Variants in ME1 observed in about 807,000 individuals in gnomAD.
ME1 encodes NADP-dependent malic enzyme.
In ME1, 74 loss-of-function variants were observed where a neutral mutation model predicts 66.4. The observed-to-expected ratio is 1.11, with a 90% CI of 0.92 to 1.35. ME1 has a LOEUF of 1.35. Among genes scored for constraint, ME1 ranks in the 40% most tolerant of loss-of-function variants. The pLI is 0.00. For missense variants in ME1, 750 were observed against 694.1 expected (o/e 1.08, Z -0.90); for synonymous variants, 251 against 235.6 (o/e 1.07, Z -0.60).
At chr6:83,246,368 A>G (rs1790622351) in intron 7 of ME1, among the ~76,000 whole-genome samples, 1 of 152,112 alleles carries the variant, frequency 6.6e-6, no homozygotes, top group Non-Finnish European at 1.5e-5. Flanking sequence ...CTGTAATCCC[A>G]CTGTGTAGCT....
intron 1 of ME1, among the ~76,000 whole-genome samples, chr6:83,430,023 GAC>G (rs893243064): frequency 2.0e-5 from 3 of 152,110 alleles, no homozygotes; most frequent in African/African-American, 7.2e-5. Context: ...TTATTTGAGA[GAC>G]ATCCCGAGTG....
intron 9 of ME1, among the ~76,000 whole-genome samples, chr6:83,233,820 G>A (rs1269677688): frequency 6.6e-6 from 1 of 151,650 alleles, no homozygotes; most frequent in Non-Finnish European, 1.5e-5. Context: ...TTTGAAAATG[G>A]GATTACACTA....
Position 83,267,113 on chromosome 6 carries a change from CAT to C in ME1, c.705-13377_705-13376del, listed in dbSNP as rs558266640. The stretch of plus-strand genomic sequence containing the variant: ...TTTGGTAGTTTACTGAGTTTACTAA[CAT>C]AGGGATGTGTGGAAGCTCAATAATT... On this transcript the variant is annotated intron_variant, in intron 6 of 13. Coordinates refer to ENST00000369705, the MANE Select transcript of ME1 (RefSeq NM_002395.6). 1.3e-4 allele frequency among the ~76,000 whole-genome samples: 20 copies of C among 152,238 alleles called. No homozygotes were observed. In the East Asian group the frequency reaches 3.9e-3, roughly 29 times the overall value.
chr6:83,418,940 G>T (rs1323963893), intron 1 of ME1, among the ~76,000 whole-genome samples: 1 of 152,102 alleles, frequency 6.6e-6, no homozygotes, highest in Non-Finnish European at 1.5e-5. Context: ...TGAAAAGTTG[G>T]GGGTAGGTAG....
At chr6:83,244,848 A>T (rs1038003170) in intron 7 of ME1, among the ~76,000 whole-genome samples, 1 of 152,118 alleles carries the variant, frequency 6.6e-6, no homozygotes, top group Non-Finnish European at 1.5e-5. Flanking sequence ...TATAACACAC[A>T]TTGACAGAGA....
At chr6:83,411,209 C>T (rs940018897) in intron 1 of ME1, among the ~76,000 whole-genome samples, 2 of 152,044 alleles carry the variant, frequency 1.3e-5, no homozygotes, top group Non-Finnish European at 2.9e-5. Flanking sequence ...ACTAAAAATA[C>T]AAAAGTTAGC....
At chr6:83,314,652 A>T (rs1373416120) in intron 6 of ME1, among the ~76,000 whole-genome samples, 1 of 149,978 alleles carries the variant, frequency 6.7e-6, no homozygotes, top group Non-Finnish European at 1.5e-5. Context: ...TTGTGTAGAT[A>T]TGGGTACCAT....
chr6:83,326,828 G>A (rs562978648), intron 5 of ME1, among the ~76,000 whole-genome samples: 148 of 152,282 alleles, frequency 9.7e-4, no homozygotes, highest in African/African-American at 3.2e-3. Context: ...ACAGTGTGGC[G>A]ACTCCTCAAG....
At chr6:83,289,931 T>C (rs565278226) in intron 6 of ME1, among the ~76,000 whole-genome samples, 33 of 152,328 alleles carry the variant, frequency 2.2e-4, no homozygotes, top group Admixed American at 7.2e-4. Context: ...CAGGTGTTTA[T>C]AGTATTCTCT....
chr6:83,291,592 T>C (rs1423468145), intron 6 of ME1, among the ~76,000 whole-genome samples: 1 of 152,174 alleles, frequency 6.6e-6, no homozygotes, highest in East Asian at 1.9e-4. Flanking sequence ...CTGATAATTA[T>C]GTGTCTCGGG....
At chr6:83,413,620 CTTGTT>C (rs1429508202) in intron 1 of ME1, among the ~76,000 whole-genome samples, 2 of 151,772 alleles carry the variant, frequency 1.3e-5, no homozygotes, top group East Asian at 1.9e-4. Context: ...TAAAATTGAG[CTTGTT>C]TTAAGTGTCA....
chr6:83,379,331 A>G (rs1053923404), intron 3 of ME1, among the ~76,000 whole-genome samples: 2 of 152,096 alleles, frequency 1.3e-5, no homozygotes, highest in East Asian at 3.8e-4. Flanking sequence ...GAACTCCCCA[A>G]TATAAAATAG....
intron 5 of ME1, among the ~76,000 whole-genome samples, chr6:83,340,196 G>C (rs1259811519): frequency 6.6e-6 from 1 of 152,046 alleles, no homozygotes; most frequent in African/African-American, 2.4e-5. Context: ...TTCAGTAATA[G>C]ATAAACATAT....
At chr6:83,240,386 A>C (rs1790490114) in intron 7 of ME1, among the ~76,000 whole-genome samples, 1 of 152,048 alleles carries the variant, frequency 6.6e-6, no homozygotes, top group Admixed American at 6.6e-5. Flanking sequence ...TACTAGACAA[A>C]ACTAATGCAA....
At chr6:83,321,326 AG>A (rs1462944420) in intron 5 of ME1, among the ~76,000 whole-genome samples, 1 of 152,092 alleles carries the variant, frequency 6.6e-6, no homozygotes, top group Non-Finnish European at 1.5e-5. Flanking sequence ...ACCCCTGAAA[AG>A]GGGGCTGAAG....
intron 5 of ME1, among the ~76,000 whole-genome samples, chr6:83,330,097 G>T (rs536603151): frequency 4.7e-4 from 72 of 152,318 alleles, no homozygotes; most frequent in Non-Finnish European, 9.0e-4. Flanking sequence ...TGGGATTACA[G>T]GTGTGAGTCA....
chr6:83,349,015 A>AAAAAAAAAAAAAAAAAAAAAAAAAC (rs746037012), intron 4 of ME1, among the ~76,000 whole-genome samples: 1 of 124,026 alleles, frequency 8.1e-6, no homozygotes, highest in Non-Finnish European at 1.7e-5. Flanking sequence ...AAAACAAAAA[A>AAAAAAAAAAAAAAAAAAAAAAAAAC]CAGTGCATTC....
At chr6:83,286,884 G>A (rs758188751) in intron 6 of ME1, among the ~76,000 whole-genome samples, 13 of 152,062 alleles carry the variant, frequency 8.5e-5, no homozygotes, top group Non-Finnish European at 1.5e-4. Context: ...TACAGTGCAA[G>A]TACCCTTTCC....
At chr6:83,410,954 A>G (rs1051100091) in intron 1 of ME1, among the ~76,000 whole-genome samples, 7 of 152,202 alleles carry the variant, frequency 4.6e-5, no homozygotes, top group African/African-American at 1.7e-4. Context: ...AAACTCCCAT[A>G]TACCATTAGC....
Sources: allele counts gnomAD v4.1 joint callset (sites outside exome capture counted in the v4.1 genomes callset), GRCh38; gene constraint gnomAD v4.1.1; transcripts MANE v1.5; gene names NCBI Gene and HGNC (gene_info 2026-07-23, HGNC 2026-07-21).